The following RAP1GDS1 variants were observed in gnomAD, a reference collection of about 807,000 sequenced individuals.
RAP1GDS1 encodes Rap1 GTPase-GDP dissociation stimulator 1, also known as RAP1, GTP-GDP dissociation stimulator 1.
Under a neutral mutation model 71.1 loss-of-function variants are expected in RAP1GDS1, and 35 were observed. The observed-to-expected ratio is 0.49, with a 90% CI of 0.38 to 0.65. RAP1GDS1 has a LOEUF of 0.65. Ranked by LOEUF, RAP1GDS1 falls within the 30% of genes least tolerant of loss-of-function variation. The pLI, the probability that RAP1GDS1 is intolerant of heterozygous loss-of-function variation, is 0.00. For synonymous variants in RAP1GDS1, 229 were observed against 243.1 expected, an observed-to-expected ratio of 0.94 and a Z score of 0.54; for missense variants, 663 against 706.1, an observed-to-expected ratio of 0.94 and a Z score of 0.69.
intron 3 of RAP1GDS1, among the ~76,000 whole-genome samples, chr4:98,350,208 G>A (rs1035831448): frequency 1.3e-5 from 2 of 152,120 alleles, no homozygotes; most frequent in Non-Finnish European, 1.5e-5. Flanking sequence ...CTTCAATGTT[G>A]CCATTGCCTG....
At chr4:98,388,252 C>T (rs1202301673) in intron 5 of RAP1GDS1, among the ~76,000 whole-genome samples, 2 of 152,234 alleles carry the variant, frequency 1.3e-5, no homozygotes, top group South Asian at 4.1e-4. Context: ...CTCAAATAAG[C>T]ATGATGAGAT....
intron 2 of RAP1GDS1, among the ~76,000 whole-genome samples, chr4:98,294,381 A>G (rs924490042): frequency 3.9e-5 from 6 of 152,070 alleles, no homozygotes; most frequent in Non-Finnish European, 7.4e-5. Context: ...GTAAACCTTG[A>G]TTAGAAAAAT....
intron 2 of RAP1GDS1, among the ~76,000 whole-genome samples, chr4:98,297,605 A>G (rs1560791796): frequency 1.3e-5 from 2 of 152,180 alleles, no homozygotes; most frequent in Non-Finnish European, 2.9e-5. Context: ...CCCATGTATG[A>G]TGGTAAACTT....
At chr4:98,410,223 C>G (rs1472038259) in intron 7 of RAP1GDS1, among the ~76,000 whole-genome samples, 1 of 152,108 alleles carries the variant, frequency 6.6e-6, no homozygotes, top group African/African-American at 2.4e-5. Flanking sequence ...CTTGTGTATA[C>G]AGTGTATAAA....
At chr4:98,285,933 A>G (rs941973420) in intron 1 of RAP1GDS1, among the ~76,000 whole-genome samples, 3 of 148,100 alleles carry the variant, frequency 2.0e-5, no homozygotes, top group African/African-American at 7.4e-5. Context: ...ATTTATAAAT[A>G]TATTCATATT....
chr4:98,279,363 A>G (rs1460022866), intron 1 of RAP1GDS1, among the ~76,000 whole-genome samples: 1 of 151,912 alleles, frequency 6.6e-6, no homozygotes, highest in African/African-American at 2.4e-5. Flanking sequence ...GAATTACATA[A>G]ATGATATATA....
At chr4:98,367,940 T>C (rs1036317543) in intron 4 of RAP1GDS1, among the ~76,000 whole-genome samples, 14 of 152,070 alleles carry the variant, frequency 9.2e-5, no homozygotes, top group Non-Finnish European at 4.4e-5. Flanking sequence ...AATAAGAATT[T>C]GGGGGAATGT....
chr4:98,270,346 A>G (rs1723280172), intron 1 of RAP1GDS1, among the ~76,000 whole-genome samples: 1 of 152,188 alleles, frequency 6.6e-6, no homozygotes, highest in African/African-American at 2.4e-5. Flanking sequence ...GAAGTTTGAA[A>G]TATACTCCAT....
intron 13 of RAP1GDS1, among the ~76,000 whole-genome samples, chr4:98,434,268 A>G (rs1468279482): frequency 3.9e-5 from 6 of 152,194 alleles, no homozygotes; most frequent in African/African-American, 1.4e-4. Flanking sequence ...TTTTAGGGCA[A>G]TGCATTAAGG....
At chr4:98,326,539 G>C (rs12499799) in intron 2 of RAP1GDS1, among the ~76,000 whole-genome samples, 10,056 of 152,058 alleles carry the variant, frequency 0.066, 380 homozygotes, top group Admixed American at 0.13. Flanking sequence ...ATTCTATTTG[G>C]ATTTGCTTTC....
At position 98,417,794 on chromosome 4, in the gene RAP1GDS1, T is replaced by G. The variant is rs56030651; in HGVS notation, c.1039+296T>G. On this transcript the variant is annotated intron_variant, in intron 9 of 14. Transcript: ENST00000408927. The stretch of plus-strand genomic sequence containing the variant: ...ATTCTAGTATACATCTGCTTTCTTT[T>G]GCCTAGTGATTTTATTTTGGATCTA... 3.8e-3 allele frequency among the ~76,000 whole-genome samples: 585 copies of G among 152,330 alleles called. 6 individuals are homozygous for G. Among genetic ancestry groups the G allele is most frequent in the African/African-American group, 0.013 (560 of 41,586 alleles).
chr4:98,324,010 T>A lies in RAP1GDS1; in HGVS notation c.113-19129T>A, dbSNP rs1183693359. On this transcript the variant is annotated intron_variant, in intron 2 of 14. Transcript: ENST00000408927. ...CCCTGTTTGCAGACGACATGATTGT[T>A]TATCTAGAAAACCCCATCGTCTCAG... Among the ~76,000 whole-genome samples, 2 of 150,018 alleles carry A rather than the reference T, an allele frequency of 1.3e-5. 1 individual carries two copies. Among genetic ancestry groups the A allele is most frequent in the South Asian group, 4.3e-4 (2 of 4,634 alleles).
chr4:98,430,426 T>G (rs2110210875), intron 12 of RAP1GDS1, among the ~76,000 whole-genome samples: 1 of 152,358 alleles, frequency 6.6e-6, no homozygotes, highest in South Asian at 2.1e-4. Flanking sequence ...ATTTTCTAAC[T>G]TAACCAGTGT....
chr4:98,301,642 A>G (rs543603296), intron 2 of RAP1GDS1, among the ~76,000 whole-genome samples: 32 of 152,304 alleles, frequency 2.1e-4, no homozygotes, highest in African/African-American at 7.7e-4. Flanking sequence ...GGAGAGGGAA[A>G]TGGGGAACCA....
At chr4:98,272,607 A>G (rs549003308) in intron 1 of RAP1GDS1, among the ~76,000 whole-genome samples, 13 of 152,210 alleles carry the variant, frequency 8.5e-5, no homozygotes, top group African/African-American at 4.8e-5. Flanking sequence ...CATCTCATCA[A>G]TTTGCTGAGC....
intron 7 of RAP1GDS1, among the ~76,000 whole-genome samples, chr4:98,413,781 T>C (rs1054579042): frequency 1.3e-5 from 2 of 152,156 alleles, no homozygotes; most frequent in African/African-American, 4.8e-5. Flanking sequence ...TCTAGATCCC[T>C]GAGGAATCGC....
chr4:98,439,020 A>C (rs1751549173), intron 14 of RAP1GDS1, among the ~76,000 whole-genome samples: 1 of 152,210 alleles, frequency 6.6e-6, no homozygotes, highest in South Asian at 2.1e-4. Context: ...AAGAGAAGGG[A>C]AGTCTATCGT....
intron 2 of RAP1GDS1, chr4:98,296,821 G>T (rs570902992): frequency 3.4e-6 from 1 of 293,622 alleles, no homozygotes; most frequent in East Asian, 1.3e-4. Flanking sequence ...AAATCACCTT[G>T]CAAGAGAAAC....
At chr4:98,402,822 A>G (rs959532716) in intron 6 of RAP1GDS1, among the ~76,000 whole-genome samples, 2 of 152,188 alleles carry the variant, frequency 1.3e-5, no homozygotes, top group African/African-American at 2.4e-5. Flanking sequence ...TCTGTGCACT[A>G]TGTTTCTGGT....
Sources: allele counts gnomAD v4.1 joint callset (sites outside exome capture counted in the v4.1 genomes callset), GRCh38; gene constraint gnomAD v4.1.1; transcripts MANE v1.5; gene names NCBI Gene and HGNC (gene_info 2026-07-23, HGNC 2026-07-21).